The following ADAM12 variants were observed in gnomAD, a reference collection of about 807,000 sequenced individuals.
The protein encoded by ADAM12 is ADAM metallopeptidase domain 12, also known as disintegrin and metalloproteinase domain-containing protein 12.
ADAM12 carries 70 observed loss-of-function variants against 106.4 expected under a neutral mutation model. That is an observed-to-expected ratio of 0.66 (90% CI 0.54 to 0.80). The LOEUF (loss-of-function observed/expected upper bound fraction) is 0.80, where lower values mean the gene tolerates loss of function less well. Ranked by LOEUF, ADAM12 falls within the 30% of genes least tolerant of loss-of-function variation. ADAM12 has a pLI of 0.00. For synonymous variants in ADAM12, 420 were observed against 433.5 expected (o/e 0.97, Z 0.39); for missense variants, 1,010 against 1,171.9 (o/e 0.86, Z 2.02).
intron 4 of ADAM12, among the ~76,000 whole-genome samples, chr10:126,153,817 G>A (rs1160312092): frequency 3.3e-5 from 5 of 152,148 alleles, no homozygotes; most frequent in African/African-American, 4.8e-5. Context: ...TCACTGATGT[G>A]GGACCAGTTT....
chr10:126,137,253 ACT>A (rs1439794062), intron 4 of ADAM12, among the ~76,000 whole-genome samples: 2 of 151,702 alleles, frequency 1.3e-5, no homozygotes, highest in African/African-American at 4.8e-5. Flanking sequence ...CCACTTTTGT[ACT>A]CTCTGTGCTA....
At chr10:126,288,940 T>C (rs1234408144) in intron 2 of ADAM12, among the ~76,000 whole-genome samples, 3 of 151,830 alleles carry the variant, frequency 2.0e-5, no homozygotes, top group Non-Finnish European at 4.4e-5. Context: ...GACCGCATGA[T>C]GACATGGTAG....
chr10:126,136,591 T>G (rs949550583), intron 4 of ADAM12, among the ~76,000 whole-genome samples: 19 of 152,218 alleles, frequency 1.2e-4, no homozygotes, highest in Admixed American at 1.2e-3. Flanking sequence ...ACAACAGTCA[T>G]GCACTTTGTC....
chr10:126,052,865 C>G (rs1348062694), intron 14 of ADAM12, among the ~76,000 whole-genome samples: 1 of 152,180 alleles, frequency 6.6e-6, no homozygotes, highest in Non-Finnish European at 1.5e-5. Flanking sequence ...CACTGGATCT[C>G]TACTTGGGAA....
At chr10:126,380,145 C>T (rs1436510024) in intron 1 of ADAM12, among the ~76,000 whole-genome samples, 1 of 152,112 alleles carries the variant, frequency 6.6e-6, no homozygotes, top group Non-Finnish European at 1.5e-5. Flanking sequence ...CTCGGCTTTT[C>T]CATCCCATCT....
intron 1 of ADAM12, among the ~76,000 whole-genome samples, chr10:126,364,472 A>G (rs1855845579): frequency 6.6e-6 from 1 of 152,212 alleles, no homozygotes; most frequent in South Asian, 2.1e-4. Flanking sequence ...TAAACAGGCT[A>G]GTCCCAGAAT....
intron 3 of ADAM12, among the ~76,000 whole-genome samples, chr10:126,217,211 T>C (rs957974688): frequency 2.0e-5 from 3 of 152,152 alleles, no homozygotes; most frequent in Admixed American, 6.5e-5. Context: ...CCTAAATACA[T>C]TGTGATCTTT....
intron 8 of ADAM12, among the ~76,000 whole-genome samples, chr10:126,104,559 A>T (rs186173158): frequency 5.3e-5 from 8 of 152,286 alleles, no homozygotes; most frequent in African/African-American, 1.9e-4. Flanking sequence ...TTCCTAATGA[A>T]TAAGGAGGAC....
Position 126,064,611 on chromosome 10 carries a change from T to G in ADAM12, c.1609+195A>C. 1.7e-6 allele frequency: 1 copy of G among 601,738 alleles called. No homozygotes were observed. The highest frequency in any genetic ancestry group is 2.9e-5 in the East Asian group (1 of 34,342). 37.3% of individuals were successfully genotyped at this position (601,738 alleles called of 1,614,324 possible). On this transcript the variant is annotated intron_variant, in intron 14 of 22. Transcript: ENST00000448723. This position sits in a 1 kb window ranked among gnomAD's most constrained non-coding sequence, Gnocchi z 4.4. Reference sequence around the variant, plus strand: ...AAGGCCAGGCTCCAGGCAGTGTCCATTTCTGTGCACCCCATGCCCAGTGCG... The same window carrying G: ...AAGGCCAGGCTCCAGGCAGTGTCCAGTTCTGTGCACCCCATGCCCAGTGCG...
chr10:126,086,706 T>TATATATATAA (rs1421464288), intron 11 of ADAM12, among the ~76,000 whole-genome samples: 8 of 65,174 alleles, frequency 1.2e-4, no homozygotes, highest in African/African-American at 2.3e-4. Context: ...TATATATATA[T>TATATATATAA]AAAATAAAAT....
intron 1 of ADAM12, among the ~76,000 whole-genome samples, chr10:126,342,330 C>T (rs1209152988): frequency 2.0e-5 from 3 of 152,148 alleles, no homozygotes; most frequent in African/African-American, 4.8e-5. Flanking sequence ...ATTTGGAGGA[C>T]CCAAATGGGC....
rs116219006 is a variant in ADAM12 at position 126,383,429 on chromosome 10, T to C, written c.88+4629A>G. 9.8e-3 allele frequency among the ~76,000 whole-genome samples: 1,491 copies of C among 152,010 alleles called. 24 individuals carry two copies. The highest frequency in any genetic ancestry group is 0.034 in the African/African-American group (1,417 of 41,440). ...TTCAGAAAAGCTGTGGTAAAAACAG[T>C]GAGGAAGAAATAATTGAAGAACGAA... is the stretch of plus-strand genomic sequence containing the variant. On this transcript the variant is annotated intron_variant, in intron 1 of 22. Coordinates refer to ENST00000448723, the MANE Select transcript of ADAM12 (RefSeq NM_001288973.2).
At chr10:126,102,119 T>C (rs77736709) in intron 8 of ADAM12, among the ~76,000 whole-genome samples, 4,906 of 152,204 alleles carry the variant, frequency 0.032, 124 homozygotes, top group Non-Finnish European at 0.049. Context: ...CTTTGTCTCA[T>C]AGGAGTTCAG....
intron 3 of ADAM12, among the ~76,000 whole-genome samples, chr10:126,256,193 G>A (rs1027398931): frequency 1.3e-5 from 2 of 152,278 alleles, no homozygotes; most frequent in East Asian, 1.9e-4. Context: ...CAAGCAGAAC[G>A]AAAGCCATTG....
chr10:126,201,907 A>G (rs1312892108), intron 3 of ADAM12, among the ~76,000 whole-genome samples: 1 of 152,180 alleles, frequency 6.6e-6, no homozygotes, highest in African/African-American at 2.4e-5. Flanking sequence ...TGCCCCAGAG[A>G]GAGGCAGCAG....
Position 126,211,391 on chromosome 10 carries a change from G to C in ADAM12, c.261-56086C>G, listed in dbSNP as rs1241174837. ...GCTTCACTTAAGTTCTTCTTTCAGT[G>C]GTTGCCAAGGACATTGGAAAAGAGA... On this transcript the variant is annotated intron_variant, in intron 3 of 22. Transcript: ENST00000448723. Among the ~76,000 whole-genome samples the C allele has an allele frequency of 2.0e-5, 3 of 152,208 alleles. No homozygotes were observed. The South Asian group carries it at 6.2e-4, about 32-fold the overall frequency.
In ADAM12 at chr10:126,341,343, G is replaced by C. The variant is rs536403041; in HGVS notation, c.89-10834C>G. On this transcript the variant is annotated intron_variant, in intron 1 of 22. Transcript: ENST00000448723. ...TCTTCATGTGCAGACAAGTATTTGT[G>C]CAATGAATTATTATCAAACAAATTA... 7.0e-4 allele frequency among the ~76,000 whole-genome samples: 106 copies of C among 152,254 alleles called. 2 individuals are homozygous for C. The highest frequency in any genetic ancestry group is 6.8e-3 in the Middle Eastern group (2 of 294).
intron 8 of ADAM12, among the ~76,000 whole-genome samples, chr10:126,104,923 T>C (rs1590415055): frequency 6.6e-6 from 1 of 152,264 alleles, no homozygotes; most frequent in South Asian, 2.1e-4. Context: ...ACACTTTCAT[T>C]TGTAGAGTTG....
intron 3 of ADAM12, among the ~76,000 whole-genome samples, chr10:126,248,468 T>A (rs1958673390): frequency 1.3e-5 from 2 of 152,110 alleles, no homozygotes; most frequent in Non-Finnish European, 2.9e-5. Flanking sequence ...CGAGGCAACG[T>A]GACTTTTGTT....
Sources: gnomAD v4.1 joint callset for allele counts (sites outside exome capture counted in the v4.1 genomes callset) on GRCh38, gnomAD v4.1.1 for gene constraint, Gnocchi (gnomAD v3.1) non-coding constraint, MANE v1.5 for transcripts, NCBI Gene and HGNC (gene_info 2026-07-23, HGNC 2026-07-21) for gene names.